The following SNTG1 variants were observed in gnomAD, a reference collection of about 807,000 sequenced individuals.
SNTG1 encodes the protein gamma-1-syntrophin.
SNTG1 carries 39 observed loss-of-function variants against 74.7 expected under a neutral mutation model. That is an observed-to-expected ratio of 0.52 (90% CI 0.40 to 0.68). SNTG1 has a LOEUF of 0.68. SNTG1 is among the 30% of genes least tolerant of loss of function. The pLI is 0.00. For synonymous variants in SNTG1, 254 were observed against 217.1 expected (o/e 1.17, Z -1.49); for missense variants, 685 against 609.5 (o/e 1.12, Z -1.30).
At chr8:50,215,686 T>TCCAAGCTC (rs1294380962) in intron 2 of SNTG1, among the ~76,000 whole-genome samples, 1 of 151,964 alleles carries the variant, frequency 6.6e-6, no homozygotes, top group Admixed American at 6.6e-5. Context: ...ACTCATCGAA[T>TCCAAGCTC]CCAAGCTCTC....
chr8:50,339,253 T>C (rs2091245011), intron 2 of SNTG1, among the ~76,000 whole-genome samples: 2 of 151,992 alleles, frequency 1.3e-5, no homozygotes. Context: ...CAAACAAAAA[T>C]TGGGGAACAT....
intron 1 of SNTG1, among the ~76,000 whole-genome samples, chr8:50,005,867 C>G (rs578250712): frequency 6.6e-6 from 1 of 151,528 alleles, no homozygotes; most frequent in Non-Finnish European, 1.5e-5. Flanking sequence ...TCTAGCTCAC[C>G]GTCTCTGTCA....
At chr8:50,164,748 T>A (rs1241535273) in intron 1 of SNTG1, among the ~76,000 whole-genome samples, 2 of 152,228 alleles carry the variant, frequency 1.3e-5, no homozygotes, top group African/African-American at 4.8e-5. Context: ...ATGCAACTCT[T>A]ATGTTAACAG....
intron 17 of SNTG1, among the ~76,000 whole-genome samples, chr8:50,734,118 A>G (rs1350466784): frequency 1.3e-5 from 2 of 151,784 alleles, no homozygotes; most frequent in African/African-American, 4.8e-5. Flanking sequence ...AAATAGTTTT[A>G]TTGTGAAAGG....
chr8:50,658,611 C>T lies in SNTG1; in HGVS notation c.986C>T (p.Thr329Met), dbSNP rs1285483421. Reference sequence around the variant, plus strand: ...TTAAAGGTGACCACCTGGGACTGGACGAGAGCAGAGAAAACATTCTCAGTT... The same window carrying T: ...TTAAAGGTGACCACCTGGGACTGGATGAGAGCAGAGAAAACATTCTCAGTT... ...LAPPVTTWDW[T>M]RAEKTFSVYE... Residue 329 changes from threonine to methionine, a missense_variant, in exon 15 of 19, where the codon ACG (threonine) becomes ATG (methionine). Thr to Met is a moderately conservative substitution (Grantham distance 81, BLOSUM62 -1). Transcript: ENST00000642720. 5 of 1,609,036 alleles carry T rather than the reference C, an allele frequency of 3.1e-6. No homozygotes were observed. Among genetic ancestry groups the T allele is most frequent in the South Asian group, 2.2e-5 (2 of 90,754 alleles).
chr8:50,137,565 A>AT (rs779489212), intron 1 of SNTG1, among the ~76,000 whole-genome samples: 3 of 152,214 alleles, frequency 2.0e-5, no homozygotes, highest in Non-Finnish European at 4.4e-5. Context: ...TTAGAAGGCA[A>AT]TAAGTATTCC....
intron 16 of SNTG1, among the ~76,000 whole-genome samples, chr8:50,707,326 C>T (rs1381537642): frequency 6.6e-6 from 1 of 151,956 alleles, no homozygotes; most frequent in Admixed American, 6.6e-5. Flanking sequence ...TTAAACATTC[C>T]TTAATGTTGA....
At chr8:50,228,716 C>A (rs1419214155) in intron 2 of SNTG1, among the ~76,000 whole-genome samples, 2 of 151,662 alleles carry the variant, frequency 1.3e-5, no homozygotes, top group Non-Finnish European at 3.0e-5. Flanking sequence ...TAAATAAAGA[C>A]CTTCTTAGAC....
intron 8 of SNTG1, among the ~76,000 whole-genome samples, chr8:50,500,931 A>G (rs901591036): frequency 1.3e-5 from 2 of 152,090 alleles, no homozygotes; most frequent in African/African-American, 2.4e-5. Context: ...GGTACTCTCC[A>G]CTAGGATGGT....
At chr8:49,919,542 C>A (rs1446651338) in intron 1 of SNTG1, among the ~76,000 whole-genome samples, 1 of 152,048 alleles carries the variant, frequency 6.6e-6, no homozygotes, top group African/African-American at 2.4e-5. Flanking sequence ...CTTGTTGTTT[C>A]TCTAAAAGCT....
intron 1 of SNTG1, among the ~76,000 whole-genome samples, chr8:50,138,454 C>A (rs570844114): frequency 5.3e-5 from 8 of 150,996 alleles, no homozygotes; most frequent in Non-Finnish European, 8.8e-5. Flanking sequence ...TCCATCTCTA[C>A]TAATAAAAAA....
chr8:50,367,309 A>C (rs966531954), intron 2 of SNTG1, among the ~76,000 whole-genome samples: 1 of 151,942 alleles, frequency 6.6e-6, no homozygotes, highest in Non-Finnish European at 1.5e-5. Context: ...GACATTTCCT[A>C]GTTCACAATA....
chr8:49,995,540 T>C (rs536077421), intron 1 of SNTG1, among the ~76,000 whole-genome samples: 1 of 152,220 alleles, frequency 6.6e-6, no homozygotes, highest in African/African-American at 2.4e-5. Flanking sequence ...TTTTCTCCAA[T>C]AGCATTCAGC....
At chr8:50,479,072 C>A (rs567881295) in intron 8 of SNTG1, among the ~76,000 whole-genome samples, 1 of 151,956 alleles carries the variant, frequency 6.6e-6, no homozygotes, top group East Asian at 1.9e-4. Flanking sequence ...AGATGCAATG[C>A]GGAGAGATTA....
At chr8:50,444,751 G>GAAA (rs35569528) in intron 5 of SNTG1, among the ~76,000 whole-genome samples, 1 of 26,024 alleles carries the variant, frequency 3.8e-5, no homozygotes, top group African/African-American at 8.3e-5. Flanking sequence ...CTCCATCTCA[G>GAAA]AAAAAAAAAA....
Position 50,579,716 on chromosome 8 carries a change from T to G in SNTG1, c.811-11163T>G, listed in dbSNP as rs561737395. Reference sequence around the variant, plus strand: ...CTTCAGATGATGCAAGTCCCAAGCTTTGGCAGCTTCCATGTGGTGTTTGCC... The same window carrying G: ...CTTCAGATGATGCAAGTCCCAAGCTGTGGCAGCTTCCATGTGGTGTTTGCC... On this transcript the variant is annotated intron_variant, in intron 12 of 18. Transcript: ENST00000642720. Among the ~76,000 whole-genome samples, 235 of 152,334 alleles carry G rather than the reference T, an allele frequency of 1.5e-3. 1 individual carries two copies. The highest frequency in any genetic ancestry group is 5.4e-3 in the African/African-American group (225 of 41,580).
intron 8 of SNTG1, among the ~76,000 whole-genome samples, chr8:50,501,539 G>T (rs192819361): frequency 1.4e-5 from 2 of 141,904 alleles, no homozygotes; most frequent in African/African-American, 2.6e-5. Context: ...AGGTTCAAAC[G>T]ATTCTCCTGC....
chr8:49,981,766 A>G (rs1035642435), intron 1 of SNTG1, among the ~76,000 whole-genome samples: 1 of 152,190 alleles, frequency 6.6e-6, no homozygotes, highest in Non-Finnish European at 1.5e-5. Flanking sequence ...CCCCAAAGGC[A>G]TATAAAATAT....
At chr8:50,652,778 CAG>C (rs976933716) in intron 13 of SNTG1, among the ~76,000 whole-genome samples, 69 of 151,956 alleles carry the variant, frequency 4.5e-4, no homozygotes, top group African/African-American at 1.7e-3. Flanking sequence ...GCCTGGATGA[CAG>C]AGTGTGACTG....
Sources: gnomAD v4.1 joint callset for allele counts (sites outside exome capture counted in the v4.1 genomes callset) on GRCh38, gnomAD v4.1.1 for gene constraint, MANE v1.5 for transcripts, NCBI Gene and HGNC (gene_info 2026-07-23, HGNC 2026-07-21) for gene names.